Variants in MAPK10 observed in about 807,000 individuals in gnomAD.
MAPK10 encodes the protein mitogen-activated protein kinase 10.
Under a neutral mutation model 59.3 loss-of-function variants are expected in MAPK10, and 25 were observed. That is an observed-to-expected ratio of 0.42 (90% CI 0.31 to 0.59). The LOEUF is 0.59. Ranked by LOEUF, MAPK10 falls within the 20% of genes least tolerant of loss-of-function variation. MAPK10 has a pLI of 0.15. For missense variants in MAPK10, 351 were observed against 568.9 expected (o/e 0.62, Z 3.90); for synonymous variants, 190 against 200.5 (o/e 0.95, Z 0.44).
chr4:86,028,464 G>C (rs970086687), intron 13 of MAPK10: 3 of 151,950 alleles, frequency 2.0e-5, no homozygotes, highest in Admixed American at 1.3e-4. Context: ...AAATAATTTA[G>C]GAAAACAACA....
chr4:86,320,143 GCTAACTCATCCAAT>G (rs2095861424), intron 2 of MAPK10, among the ~76,000 whole-genome samples: 1 of 152,200 alleles, frequency 6.6e-6, no homozygotes, highest in Non-Finnish European at 1.5e-5. Flanking sequence ...AGACAAGTCA[GCTAACTCATCCAAT>G]CTGTGGTTTT....
At chr4:86,447,342 C>T (rs927122653) in intron 1 of MAPK10, among the ~76,000 whole-genome samples, 10 of 152,136 alleles carry the variant, frequency 6.6e-5, no homozygotes. Flanking sequence ...TTGTAAATTT[C>T]CTGAGGCCTC....
chr4:86,309,737 A>G (rs867312354), intron 2 of MAPK10, among the ~76,000 whole-genome samples: 3 of 152,172 alleles, frequency 2.0e-5, no homozygotes, highest in African/African-American at 7.2e-5. Flanking sequence ...GATATTCTCC[A>G]TTGAACTGTT....
At chr4:86,521,656 A>G (rs1292694350) in intron 1 of MAPK10, among the ~76,000 whole-genome samples, 1 of 151,992 alleles carries the variant, frequency 6.6e-6, no homozygotes, top group African/African-American at 2.4e-5. Flanking sequence ...ATGCCCCCCA[A>G]CCACACTGAG....
At chr4:86,446,860 C>T (rs1383051550) in intron 1 of MAPK10, among the ~76,000 whole-genome samples, 1 of 152,020 alleles carries the variant, frequency 6.6e-6, no homozygotes, top group Non-Finnish European at 1.5e-5. Context: ...CTTTGAATTA[C>T]CTGTTCATAT....
chr4:86,516,397 TA>T (rs1263487376), intron 1 of MAPK10, among the ~76,000 whole-genome samples: 2 of 152,160 alleles, frequency 1.3e-5, no homozygotes, highest in Admixed American at 6.5e-5. Flanking sequence ...ATTTTAGGAT[TA>T]TTTTTTTCTG....
At chr4:86,113,809 T>C (rs573485949) in intron 4 of MAPK10, among the ~76,000 whole-genome samples, 2 of 152,346 alleles carry the variant, frequency 1.3e-5, no homozygotes, top group South Asian at 2.1e-4. Context: ...AAGTATGTTT[T>C]CCAACTTGCT....
At position 86,145,289 on chromosome 4, in the gene MAPK10, G is replaced by A. The variant is rs868651792; in HGVS notation, c.236+14009C>T. Among the ~76,000 whole-genome samples the A allele has an allele frequency of 4.2e-4, 59 of 140,748 alleles. 2 individuals are homozygous for A. In the Middle Eastern group the frequency reaches 0.022, roughly 51 times the overall value. 92.3% of individuals were successfully genotyped at this position (140,748 alleles called of 152,430 possible). A position where few individuals can be genotyped will look rare whatever the true frequency, so the allele number is the denominator to read the frequency against. ...AGGCAGGAGAATGGCGTGAACCCGG[G>A]AGGCGGAGCTTGCAGTGAGCCGAGA... On this transcript the variant is annotated intron_variant, in intron 4 of 13. Transcript: ENST00000641462.
rs185362891 is a variant in MAPK10, at chr4:86,156,446, A to G, written c.236+2852T>C. On this transcript the variant is annotated intron_variant, in intron 4 of 13. Coordinates refer to ENST00000641462, the MANE Select transcript of MAPK10 (RefSeq NM_138982.4). ...CATCTTGCAAAATTGAATTGTGACC[A>G]CTTACAAGCTGATGGTGTGTAACAC... 5.6e-3 allele frequency among the ~76,000 whole-genome samples: 850 copies of G among 152,134 alleles called. 4 individuals are homozygous for G. Among genetic ancestry groups the G allele is most frequent in the Middle Eastern group, 0.027 (8 of 294 alleles).
intron 1 of MAPK10, among the ~76,000 whole-genome samples, chr4:86,435,466 C>T (rs1483994987): frequency 6.6e-6 from 1 of 151,880 alleles, no homozygotes; most frequent in Non-Finnish European, 1.5e-5. Context: ...CATTGCACTC[C>T]AGCCTGGGCA....
At chr4:86,331,544 C>T (rs1159514320) in intron 2 of MAPK10, among the ~76,000 whole-genome samples, 2 of 152,124 alleles carry the variant, frequency 1.3e-5, no homozygotes, top group Non-Finnish European at 2.9e-5. Context: ...ATGTTTCTCT[C>T]TCTCAGAAAA....
At chr4:86,468,468 G>T (rs151116937) in intron 1 of MAPK10, among the ~76,000 whole-genome samples, 117 of 152,290 alleles carry the variant, frequency 7.7e-4, no homozygotes, top group Admixed American at 1.5e-3. Flanking sequence ...ATATGAACCA[G>T]ATTTTGAAGA....
chr4:86,332,799 C>T (rs1473521061), intron 2 of MAPK10: 1 of 152,176 alleles, frequency 6.6e-6, no homozygotes, highest in Non-Finnish European at 1.5e-5. Context: ...GAAAGCACTC[C>T]ATTTATGGCT....
chr4:86,533,341 A>T (rs1757979309), intron 1 of MAPK10, among the ~76,000 whole-genome samples: 1 of 152,214 alleles, frequency 6.6e-6, no homozygotes, highest in African/African-American at 2.4e-5. Flanking sequence ...TGATAATTAC[A>T]CAACAATGTG....
intron 11 of MAPK10, among the ~76,000 whole-genome samples, chr4:86,039,205 C>G (rs113822085): frequency 1.3e-5 from 2 of 152,254 alleles, no homozygotes; most frequent in African/African-American, 4.8e-5. Flanking sequence ...AATACCTTCA[C>G]AAAAGTGAAG....
At chr4:86,136,466 T>C (rs1472587308) in intron 4 of MAPK10, among the ~76,000 whole-genome samples, 1 of 150,464 alleles carries the variant, frequency 6.6e-6, no homozygotes, top group East Asian at 1.9e-4. Flanking sequence ...AATAAAATAC[T>C]TTACAGACAA....
chr4:86,034,894 TA>T (rs1459328546), intron 11 of MAPK10, among the ~76,000 whole-genome samples: 2 of 151,882 alleles, frequency 1.3e-5, no homozygotes, highest in South Asian at 2.1e-4. Context: ...GAAAACAGAA[TA>T]GGGGTGGTGG....
chr4:86,392,899 G>A lies in MAPK10; in HGVS notation c.-121-38255C>T, dbSNP rs187583984. ...TTGGGGAGATGGAGAGAGGTATAAA[G>A]AGAACTGTTAGGAAGTTTGCTCTAT... On this transcript the variant is annotated intron_variant, in intron 1 of 13. Transcript: ENST00000361569. Among the ~76,000 whole-genome samples, 30 of 152,320 alleles carry A rather than the reference G, an allele frequency of 2.0e-4. No individual in the cohort carries two copies. The East Asian group carries it at 5.6e-3, about 28-fold the overall frequency.
chr4:86,301,198 G>A (rs976915223), intron 2 of MAPK10, among the ~76,000 whole-genome samples: 3 of 152,054 alleles, frequency 2.0e-5, no homozygotes, highest in African/African-American at 7.2e-5. Context: ...GGCAGGGGCG[G>A]GGCAGATGAA....
Sources: allele counts gnomAD v4.1 joint callset (sites outside exome capture counted in the v4.1 genomes callset), GRCh38; gene constraint gnomAD v4.1.1; transcripts MANE v1.5; gene names NCBI Gene and HGNC (gene_info 2026-07-23, HGNC 2026-07-21).